Variants in EMC1 observed in about 807,000 individuals in gnomAD.
The protein encoded by EMC1 is KIAA0090.
EMC1 carries 103 observed loss-of-function variants against 128.8 expected under a neutral mutation model. The ratio of observed to expected loss-of-function variants is 0.80; its 90% CI spans 0.68 to 0.94. The LOEUF is 0.94. Ranked by LOEUF, EMC1 falls within the 40% of genes least tolerant of loss-of-function variation. EMC1 has a pLI of 0.00. For synonymous variants in EMC1, 442 were observed against 490.4 expected (o/e 0.90, Z 1.30); for missense variants, 1,083 against 1,250.6 (o/e 0.87, Z 2.02).
intron 9 of EMC1, 44 bp from the exon 10 acceptor site, chr1:19,238,901 A>C (rs775722435): frequency 6.1e-6 from 8 of 1,315,354 alleles, no homozygotes; most frequent in Middle Eastern, 3.6e-4. Flanking sequence ...CCAAAGGGTC[A>C]CTTCCCAGTC....
chr1:19,230,782 A>G, intron 17 of EMC1, 62 bp downstream of exon 17: 1 of 1,603,612 alleles, frequency 6.2e-7, no homozygotes, highest in Non-Finnish European at 8.5e-7. Context: ...CTTCTTAGCC[A>G]AATGGCCAGG....
At chr1:19,222,288 G>A (rs539384309) in intron 20 of EMC1, among the ~76,000 whole-genome samples, 4 of 151,930 alleles carry the variant, frequency 2.6e-5, no homozygotes, top group Admixed American at 6.6e-5. Flanking sequence ...GCAAATCCCT[G>A]TCTCTACCAA....
At chr1:19,245,538 C>T (rs371125873) in intron 1 of EMC1, among the ~76,000 whole-genome samples, 1 of 152,136 alleles carries the variant, frequency 6.6e-6, no homozygotes. Context: ...AGAAAATTAG[C>T]TCCTAATAGA....
Position 19,222,624 on chromosome 1 carries a change from T to G in EMC1, c.2587A>C (p.Ile863Leu), listed in dbSNP as rs2151938002. ...ERGITSRHLL[I>L]GLPSGAILSL... ...TCCCAGAGGCTCCCCAGTCACTCAC[T>G]CAGCAGGTGTCGGCTGGTGATGCCC... Residue 863 changes from isoleucine to leucine, a missense_variant and splice_region_variant, in exon 20 of 23, where the codon ATT becomes CTT. Physicochemically the swap from Ile to Leu is conservative, Grantham distance 5. This residue lies in a region of EMC1 where 527 missense variants were observed against 644.1 expected (regional missense o/e 0.82). Transcript: ENST00000477853. 1 of 1,613,386 alleles carries G rather than the reference T, an allele frequency of 6.2e-7. No individual in the cohort carries two copies. Among genetic ancestry groups the G allele is most frequent in the Middle Eastern group, 1.8e-4 (1 of 5,644 alleles).
intron 1 of EMC1, among the ~76,000 whole-genome samples, chr1:19,248,529 C>T (rs369809158): frequency 6.6e-5 from 10 of 152,364 alleles, no homozygotes; most frequent in African/African-American, 2.2e-4. Flanking sequence ...AAGTAATTCT[C>T]CTGCCTCAGC....
At chr1:19,228,617 C>G (rs1052549743) in intron 17 of EMC1, among the ~76,000 whole-genome samples, 3 of 151,966 alleles carry the variant, frequency 2.0e-5, no homozygotes, top group African/African-American at 4.8e-5. Flanking sequence ...TGAGCCATAC[C>G]TCATGATTTT....
At chr1:19,240,013 G>C (rs2093594885) in intron 7 of EMC1, 28 bp from the exon 8 acceptor site, 1 of 1,595,494 alleles carries the variant, frequency 6.3e-7, no homozygotes, top group Admixed American at 1.7e-5. Flanking sequence ...GGAGGATTAT[G>C]GCTAACAGCT....
In EMC1 at chr1:19,231,270, A is replaced by T. The variant is rs2093519641; in HGVS notation, c.1935T>A (p.Asp645Glu). 1 of 1,597,820 alleles carries T rather than the reference A, an allele frequency of 6.3e-7. No homozygotes were observed. The highest frequency in any genetic ancestry group is 8.5e-7 in the Non-Finnish European group (1 of 1,176,262). ...DYAKVLLLID[D>E]EYKVTAFPAT... ...CCTCTGAAGACAGTACCTTGTATTC[A>T]TCATCTATCAACAGCAACACCTTGG... Residue 645 changes from aspartate to glutamate, a missense_variant, in exon 16 of 23, where the codon GAT (aspartate) becomes GAA (glutamate). Around this residue, in one of 3 missense-constraint regions of EMC1, gnomAD observed 527 missense variants for 644.1 expected, o/e 0.82. Transcript: ENST00000477853.
intron 1 of EMC1, among the ~76,000 whole-genome samples, chr1:19,247,719 G>A (rs1572034960): frequency 6.6e-6 from 1 of 152,142 alleles, no homozygotes; most frequent in Non-Finnish European, 1.5e-5. Flanking sequence ...ATAGTCTCAT[G>A]CAGGTGCTTC....
Position 19,227,393 on chromosome 1 carries a change from C to T in EMC1, c.2122G>A (p.Val708Ile), listed in dbSNP as rs139714938. ...LTIPPEVQRI[V>I]KVKGKRSSEH... ...CTGCTGCGTTTCCCCTTCACCTTGA[C>T]GATCCGCTGTACTTCTGGGGGAATG... is the stretch of plus-strand genomic sequence containing the variant. Residue 708 changes from valine (V) to isoleucine (I), a missense_variant, in exon 18 of 23, where the codon GTC becomes ATC. Around this residue, in one of 3 missense-constraint regions of EMC1, gnomAD observed 527 missense variants for 644.1 expected, o/e 0.82. Transcript: ENST00000477853. The T allele has an allele frequency of 7.2e-5, 116 of 1,614,106 alleles. 1 individual carries two copies. In the Middle Eastern group the frequency reaches 2.3e-3, roughly 32 times the overall value.
intron 1 of EMC1, among the ~76,000 whole-genome samples, chr1:19,245,512 C>T (rs1240516850): frequency 6.6e-6 from 1 of 151,906 alleles, no homozygotes; most frequent in South Asian, 2.1e-4. Flanking sequence ...TAGTCAGATG[C>T]AAAGAGAGTA....
rs1388369324 is a variant in EMC1, at chr1:19,230,920, T to G, written c.1988A>C (p.His663Pro). 11 of 1,614,208 alleles carry G rather than the reference T, an allele frequency of 6.8e-6. No homozygotes were observed. The highest frequency in any genetic ancestry group is 1.3e-5 in the African/African-American group (1 of 75,054). The change falls in exon 17 of 23, where the codon CAT becomes CCT. Residue 663 changes from histidine to proline, a missense_variant. By Grantham distance (77) the His-to-Pro change is moderately conservative. This residue lies in a region of EMC1 where 527 missense variants were observed against 644.1 expected (regional missense o/e 0.82). Transcript: ENST00000477853. ...PATRNVLRQL[H>P]ELAPSIFFYL... ...GAAGAAGATGGAAGGGGCAAGCTCA[T>G]GTAGCTGTCGCAAGACATTCCGAGT... is the stretch of plus-strand genomic sequence containing the variant.
chr1:19,247,326 A>C (rs1480442551), intron 1 of EMC1, among the ~76,000 whole-genome samples: 1 of 152,184 alleles, frequency 6.6e-6, no homozygotes, highest in African/African-American at 2.4e-5. Context: ...GGTGCATGCC[A>C]TTGTGCCCAG....
rs550787407 is a variant in EMC1 at position 19,230,855 on chromosome 1, G to A, written c.2053C>T (p.Arg685Trp). ...DAEQGRLCGY[R>W]LRKDLTTELS... ...ACATGCCTTCCTACCTTTCGAAGCCGATATCCACACAGCCGTCCCTGCTCT... is the reference window on the plus strand; with the variant it reads ...ACATGCCTTCCTACCTTTCGAAGCCAATATCCACACAGCCGTCCCTGCTCT... Residue 685 changes from arginine (R) to tryptophan (W), a missense_variant, in exon 17 of 23, where the codon CGG (arginine) becomes TGG (tryptophan). Transcript: ENST00000477853. 33 of 1,614,154 alleles carry A rather than the reference G, an allele frequency of 2.0e-5. No individual in the cohort carries two copies. Among genetic ancestry groups the A allele is most frequent in the African/African-American group, 9.3e-5 (7 of 75,034 alleles).
At chr1:19,224,271 T>C (rs539168367) in intron 18 of EMC1, among the ~76,000 whole-genome samples, 38 of 152,350 alleles carry the variant, frequency 2.5e-4, no homozygotes, top group African/African-American at 8.9e-4. Context: ...ACACCATTTA[T>C]GGATGTTGGC....
chr1:19,233,565 A>G (rs142574236), intron 13 of EMC1, among the ~76,000 whole-genome samples: 48 of 152,314 alleles, frequency 3.2e-4, no homozygotes, highest in Middle Eastern at 6.8e-3. Flanking sequence ...AGGTACTTCC[A>G]TCTCCCATTG....
intron 7 of EMC1, 91 bp from the exon 8 acceptor site, chr1:19,240,076 G>A (rs2093595261): frequency 2.2e-6 from 3 of 1,359,544 alleles, no homozygotes; most frequent in Non-Finnish European, 3.0e-6. Context: ...CTTTGCCGGG[G>A]GAAGTAACTG....
At chr1:19,248,935 G>C (rs548683772) in intron 1 of EMC1, among the ~76,000 whole-genome samples, 2 of 152,312 alleles carry the variant, frequency 1.3e-5, no homozygotes, top group South Asian at 2.1e-4. Flanking sequence ...GCATATGCCT[G>C]TAATCCCAGT....
intron 1 of EMC1, among the ~76,000 whole-genome samples, chr1:19,249,727 C>T (rs1380302533): frequency 6.6e-6 from 1 of 151,822 alleles, no homozygotes; most frequent in Non-Finnish European, 1.5e-5. Flanking sequence ...GTGTTCAAGA[C>T]CAGCCTGGGC....
Sources: allele counts gnomAD v4.1 joint callset (sites outside exome capture counted in the v4.1 genomes callset), GRCh38; gene constraint gnomAD v4.1.1; regional missense constraint gnomAD v4.1.1; transcripts MANE v1.5; gene names NCBI Gene and HGNC (gene_info 2026-07-23, HGNC 2026-07-21).